The following TBCD variants were observed in gnomAD, a reference collection of about 807,000 sequenced individuals.
TBCD encodes the protein tubulin-specific chaperone D.
In TBCD, 105 loss-of-function variants were observed where a neutral mutation model predicts 169.3. That is an observed-to-expected ratio of 0.62 (90% CI 0.53 to 0.73). The LOEUF (loss-of-function observed/expected upper bound fraction) is 0.73, where lower values mean the gene tolerates loss of function less well. Ranked by LOEUF, TBCD falls within the 30% of genes least tolerant of loss-of-function variation. The pLI is 0.00. For missense variants in TBCD, 1,444 were observed against 1,600.1 expected (o/e 0.90, Z 1.66); for synonymous variants, 700 against 643.9 (o/e 1.09, Z -1.32).
rs558863862 is a variant in TBCD at position 82,842,958 on chromosome 17, T to A, written c.1319-27266T>A. Among the ~76,000 whole-genome samples, 53 of 151,916 alleles carry A rather than the reference T, an allele frequency of 3.5e-4. 1 individual carries two copies. The highest frequency in any genetic ancestry group is 1.3e-3 in the African/African-American group (52 of 41,432). On this transcript the variant is annotated intron_variant, in intron 13 of 38. Transcript: ENST00000355528. ...ACCACGTCCGGCTGATTTTTTGTAT[T>A]TTTAGTAGAGACGGGGTTTCACCGT... is the stretch of plus-strand genomic sequence containing the variant.
rs181109224 is a variant in TBCD, at chr17:82,806,766, G to A, written c.1087+755G>A. Among the ~76,000 whole-genome samples, 1 of 152,292 alleles carries A rather than the reference G, an allele frequency of 6.6e-6. No homozygotes were observed. Among genetic ancestry groups the A allele is most frequent in the Non-Finnish European group, 1.5e-5 (1 of 68,026 alleles). On this transcript the variant is annotated intron_variant, in intron 10 of 38. Transcript: ENST00000355528. The surrounding 1 kb of genome is among the most constrained non-coding windows in gnomAD (Gnocchi z 5.1). The stretch of plus-strand genomic sequence containing the variant: ...CACCCCACCTCGACCGTGACCATCA[G>A]GGCGCCTGTGGCACCGTTGCCAGCC...
In TBCD at chr17:82,752,177, G is replaced by A; in HGVS notation, c.-17G>A. The A allele has an allele frequency of 6.6e-6, 10 of 1,508,100 alleles. No individual in the cohort carries two copies. Among genetic ancestry groups the A allele is most frequent in the Non-Finnish European group, 8.8e-6 (10 of 1,131,060 alleles). The allele number at this position is 1,508,100 out of a possible 1,614,324, so 93.4% of individuals were successfully genotyped here. ...TGCGAACACGTGAGGCGGGGGCGCG[G>A]TCCCCAGGCTGCCGAGATGGCCCTG... On this transcript the variant is annotated 5_prime_UTR_variant, in exon 1 of 39. Transcript: ENST00000355528.
At chr17:82,775,423 C>T (rs1056047254) in intron 6 of TBCD, among the ~76,000 whole-genome samples, 2 of 152,124 alleles carry the variant, frequency 1.3e-5, no homozygotes, top group Non-Finnish European at 1.5e-5. Context: ...CTTCTCAGAC[C>T]CCTTTTTGGT....
At chr17:82,794,636 C>T (rs116110495) in intron 7 of TBCD, among the ~76,000 whole-genome samples, 3,122 of 152,328 alleles carry the variant, frequency 0.02, 112 homozygotes, top group African/African-American at 0.07. Flanking sequence ...CCCATCCCAC[C>T]GCCACGCTGA....
intron 15 of TBCD, among the ~76,000 whole-genome samples, chr17:82,888,676 G>A (rs568520534): frequency 1.3e-5 from 2 of 152,194 alleles, no homozygotes; most frequent in South Asian, 2.1e-4. Flanking sequence ...TGGTGGGCGC[G>A]TCTGCTCCTT....
chr17:82,797,936 T>C (rs2050217333), intron 8 of TBCD, 134 bp downstream of exon 8: 1 of 541,174 alleles, frequency 1.8e-6, no homozygotes. Context: ...TCGTTCTTTT[T>C]TTTGTTGTGG....
intron 9 of TBCD, among the ~76,000 whole-genome samples, chr17:82,805,229 G>C (rs886695660): frequency 6.6e-6 from 1 of 152,232 alleles, no homozygotes; most frequent in African/African-American, 2.4e-5. Flanking sequence ...AGGGGGAAGT[G>C]GGGGCATGGA....
chr17:82,887,152 TGTGTGTGTGTGTGTGTGCGCGCGCGC>T (rs1236913450), intron 15 of TBCD, among the ~76,000 whole-genome samples: 27 of 108,648 alleles, frequency 2.5e-4, no homozygotes, highest in African/African-American at 1.2e-3. Context: ...TGTGTGTGTG[TGTGTGTGTGTGTGTGTGCGCGCGCGC>T]GCACGTGCGC....
At chr17:82,845,681 C>G (rs1268869793) in intron 13 of TBCD, among the ~76,000 whole-genome samples, 1 of 152,202 alleles carries the variant, frequency 6.6e-6, no homozygotes, top group Non-Finnish European at 1.5e-5. Flanking sequence ...AGCATCCTCT[C>G]CAGTGCACTG....
chr17:82,821,008 T>G (rs2145055948), intron 13 of TBCD, among the ~76,000 whole-genome samples: 1 of 152,242 alleles, frequency 6.6e-6, no homozygotes, highest in East Asian at 1.9e-4. Context: ...CAGGCTGGAG[T>G]GCAGTGGTGG....
intron 23 of TBCD, 93 bp downstream of exon 23, chr17:82,911,882 C>T: frequency 1.5e-6 from 2 of 1,368,072 alleles, no homozygotes; most frequent in East Asian, 2.4e-5. Flanking sequence ...GGCCCATTAG[C>T]CCCCAGGGTG....
intron 13 of TBCD, among the ~76,000 whole-genome samples, chr17:82,837,239 C>T (rs1490933944): frequency 6.6e-6 from 1 of 152,182 alleles, no homozygotes; most frequent in Non-Finnish European, 1.5e-5. Context: ...GATGAAGAAA[C>T]CAAACCCGAC....
At position 82,831,328 on chromosome 17, in the gene TBCD, T is replaced by C; in HGVS notation, c.1318+16394T>C. 6.2e-7 allele frequency: 1 copy of C among 1,614,012 alleles called. No homozygotes were observed. The highest frequency in any genetic ancestry group is 8.5e-7 in the Non-Finnish European group (1 of 1,180,014). ...AGCCTCAGGAATTGGACTTTCGAACTCGACGTGTTTTCTGTTGGGGTCCGA... is the reference window on the plus strand; with the variant it reads ...AGCCTCAGGAATTGGACTTTCGAACCCGACGTGTTTTCTGTTGGGGTCCGA... On this transcript the variant is annotated intron_variant, in intron 13 of 38. Coordinates refer to ENST00000355528, the MANE Select transcript of TBCD (RefSeq NM_005993.5). The surrounding 1 kb of genome is among the most constrained non-coding windows in gnomAD (Gnocchi z 4.6).
Position 82,864,362 on chromosome 17 carries a change from C to T in TBCD, c.1319-5862C>T, listed in dbSNP as rs1255634786. ...CCCATCCAGGCAGATCGAGTGCCGG[C>T]TCTCTGTGCTCTCCAGGAGGTGGCC... On this transcript the variant is annotated intron_variant, in intron 13 of 38. Coordinates refer to ENST00000355528, the MANE Select transcript of TBCD (RefSeq NM_005993.5). This position sits in a 1 kb window ranked among gnomAD's most constrained non-coding sequence, Gnocchi z 6.3. 1 of 152,270 alleles carries T rather than the reference C, an allele frequency of 6.6e-6. No individual in the cohort carries two copies. The highest frequency in any genetic ancestry group is 1.5e-5 in the Non-Finnish European group (1 of 68,074). 9.4% of individuals were successfully genotyped at this position (152,270 alleles called of 1,614,324 possible).
At chr17:82,814,712 AGTGAGCCTTAC>A (rs1384088219) in intron 12 of TBCD, 117 bp from the exon 13 acceptor site, 16 of 847,986 alleles carry the variant, frequency 1.9e-5, no homozygotes, top group African/African-American at 5.2e-5. Context: ...AATGGGTTTT[AGTGAGCCTTAC>A]GTGAGCCTTA....
chr17:82,881,595 G>A (rs558370547), intron 14 of TBCD, among the ~76,000 whole-genome samples: 8 of 152,298 alleles, frequency 5.3e-5, no homozygotes, highest in Non-Finnish European at 8.8e-5. Context: ...GGGGTACCCC[G>A]TGCCTACGTG....
At chr17:82,895,063 T>C (rs1345789323) in intron 17 of TBCD, among the ~76,000 whole-genome samples, 2 of 152,248 alleles carry the variant, frequency 1.3e-5, no homozygotes, top group African/African-American at 4.8e-5. Flanking sequence ...TTTCCCTTGT[T>C]GCTGAGGTTT....
chr17:82,882,156 T>A (rs1385271940), intron 14 of TBCD, among the ~76,000 whole-genome samples: 1 of 152,246 alleles, frequency 6.6e-6, no homozygotes, highest in Non-Finnish European at 1.5e-5. Context: ...CAGGGAGGAC[T>A]TTCTCAACCG....
chr17:82,937,711 A>C (rs1340861554), intron 35 of TBCD: 1 of 684,380 alleles, frequency 1.5e-6, no homozygotes, highest in East Asian at 2.7e-5. Flanking sequence ...TGCGGCGCTC[A>C]GGTGGACACT....
Sources: allele counts gnomAD v4.1 joint callset (sites outside exome capture counted in the v4.1 genomes callset), GRCh38; gene constraint gnomAD v4.1.1; non-coding constraint Gnocchi (gnomAD v3.1); transcripts MANE v1.5; gene names NCBI Gene and HGNC (gene_info 2026-07-23, HGNC 2026-07-21).